Variants in ULK4 observed in about 807,000 individuals in gnomAD.
ULK4 encodes the protein inactive serine/threonine-protein kinase ULK4.
In ULK4, 133 loss-of-function variants were observed where a neutral mutation model predicts 160.6. That is an observed-to-expected ratio of 0.83 (90% CI 0.72 to 0.96). The LOEUF is 0.96. Ranked by LOEUF, ULK4 falls within the 40% of genes least tolerant of loss-of-function variation. The pLI is 0.00. For synonymous variants in ULK4, 534 were observed against 539.8 expected, an observed-to-expected ratio of 0.99 and a Z score of 0.15; for missense variants, 1,580 against 1,499.5, an observed-to-expected ratio of 1.05 and a Z score of -0.89.
intron 32 of ULK4, among the ~76,000 whole-genome samples, chr3:41,465,034 A>C (rs2125880932): frequency 6.6e-6 from 1 of 152,344 alleles, no homozygotes; most frequent in Non-Finnish European, 1.5e-5. Context: ...TGAAGTCACC[A>C]GCTCCCAAGG....
chr3:41,412,553 ATTTTTT>A (rs57224854), intron 34 of ULK4, among the ~76,000 whole-genome samples: 57 of 100,416 alleles, frequency 5.7e-4, no homozygotes, highest in South Asian at 1.8e-3. Flanking sequence ...ATGCAGTTGA[ATTTTTT>A]TTTTTTTTTT....
At chr3:41,599,571 T>C (rs934373821) in intron 31 of ULK4, among the ~76,000 whole-genome samples, 4 of 149,624 alleles carry the variant, frequency 2.7e-5, no homozygotes, top group African/African-American at 9.9e-5. Context: ...TTTTCTTTTT[T>C]TTTTTTTTTT....
At position 41,378,843 on chromosome 3, in the gene ULK4, G is replaced by A. The variant is rs954522547; in HGVS notation, c.3678+19236C>T. 4.7e-5 allele frequency among the ~76,000 whole-genome samples: 7 copies of A among 149,484 alleles called. No homozygotes were observed. The East Asian group carries it at 8.0e-4, about 17-fold the overall frequency. Reference sequence around the variant, plus strand: ...CAAAATAAAATAAAAAAGAAAATGTGGCACATTTACACCATGGAATACTAT... The same window carrying A: ...CAAAATAAAATAAAAAAGAAAATGTAGCACATTTACACCATGGAATACTAT... On this transcript the variant is annotated intron_variant, in intron 35 of 36. Transcript: ENST00000301831.
intron 35 of ULK4, among the ~76,000 whole-genome samples, chr3:41,261,112 G>T (rs189667049): frequency 6.6e-6 from 1 of 152,142 alleles, no homozygotes; most frequent in South Asian, 2.1e-4. Flanking sequence ...GTAGATGTGC[G>T]GGGGCAAAGT....
intron 2 of ULK4, among the ~76,000 whole-genome samples, chr3:41,947,253 G>A (rs1375709129): frequency 6.6e-6 from 1 of 152,180 alleles, no homozygotes; most frequent in Non-Finnish European, 1.5e-5. Flanking sequence ...GGAGCTTGCG[G>A]TGAGCCGAGA....
In ULK4 at chr3:41,375,383, C is replaced by T. The variant is rs144211008; in HGVS notation, c.3678+22696G>A. 3.2e-3 allele frequency among the ~76,000 whole-genome samples: 466 copies of T among 143,584 alleles called. 15 individuals carry two copies. The highest frequency in any genetic ancestry group is 0.02 in the East Asian group (83 of 4,074). The allele number at this position is 143,584 out of a possible 152,430, so 94.2% of individuals were successfully genotyped here. A position where few individuals can be genotyped will look rare whatever the true frequency, so the allele number is the denominator to read the frequency against. ...CATCACACTACCTGACTTCAAACTACACAAGGCTACAGAACCCAAAACGGC... is the reference window on the plus strand; with the variant it reads ...CATCACACTACCTGACTTCAAACTATACAAGGCTACAGAACCCAAAACGGC... On this transcript the variant is annotated intron_variant, in intron 35 of 36. Coordinates refer to ENST00000301831, the MANE Select transcript of ULK4 (RefSeq NM_017886.4).
At chr3:41,882,403 TG>T in intron 17 of ULK4, 1 of 648,248 alleles carries the variant, frequency 1.5e-6, no homozygotes. Flanking sequence ...TTCTATAAGT[TG>T]ATCATCTCAA....
chr3:41,954,841 C>G, intron 1 of ULK4, 34 bp from the exon 2 acceptor site: 1 of 1,361,590 alleles, frequency 7.3e-7, no homozygotes, highest in Non-Finnish European at 1.0e-6. Flanking sequence ...TTGATAAATG[C>G]AAGTTAGTTG....
At chr3:41,479,180 C>A (rs895635655) in intron 32 of ULK4, among the ~76,000 whole-genome samples, 1 of 152,174 alleles carries the variant, frequency 6.6e-6, no homozygotes, top group African/African-American at 2.4e-5. Context: ...ACCTTTAGAG[C>A]CCTACACCTC....
Position 41,763,241 on chromosome 3 carries a change from C to T in ULK4, c.2194-8753G>A, listed in dbSNP as rs115910581. Among the ~76,000 whole-genome samples, 1,001 of 151,930 alleles carry T rather than the reference C, an allele frequency of 6.6e-3. 9 individuals are homozygous for T. Among genetic ancestry groups the T allele is most frequent in the African/African-American group, 0.023 (961 of 41,450 alleles). On this transcript the variant is annotated intron_variant, in intron 21 of 36. Coordinates refer to ENST00000301831, the MANE Select transcript of ULK4 (RefSeq NM_017886.4). The stretch of plus-strand genomic sequence containing the variant: ...CCCATAATAAAAGAATAAAAATACA[C>T]GAATTAAATCTCCAACATAAAAAGC...
At chr3:41,802,636 T>C (rs190411789) in intron 19 of ULK4, among the ~76,000 whole-genome samples, 296 of 152,212 alleles carry the variant, frequency 1.9e-3, no homozygotes, top group Non-Finnish European at 3.3e-3. Flanking sequence ...CAAAAATGTA[T>C]TGTGAGCTTT....
intron 35 of ULK4, among the ~76,000 whole-genome samples, chr3:41,283,631 C>T (rs1340542580): frequency 6.6e-6 from 1 of 152,006 alleles, no homozygotes; most frequent in African/African-American, 2.4e-5. Context: ...AACGTCAAAA[C>T]CAGGGCCTCT....
intron 19 of ULK4, among the ~76,000 whole-genome samples, chr3:41,818,090 T>C (rs902000921): frequency 5.4e-5 from 7 of 129,312 alleles, no homozygotes; most frequent in South Asian, 2.4e-4. Context: ...AAAGCCATTA[T>C]AGAAAACAGT....
intron 18 of ULK4, among the ~76,000 whole-genome samples, chr3:41,830,167 G>A (rs2041526794): frequency 6.6e-6 from 1 of 152,012 alleles, no homozygotes; most frequent in African/African-American, 2.4e-5. Context: ...GAGTGGGGAG[G>A]GATAGCATTA....
At chr3:41,414,815 C>T (rs1465243612) in intron 34 of ULK4, among the ~76,000 whole-genome samples, 5 of 152,122 alleles carry the variant, frequency 3.3e-5, no homozygotes, top group South Asian at 2.1e-4. Context: ...AACACTATTG[C>T]GCAGGGCCTT....
chr3:41,886,399 C>T (rs1318543547), intron 16 of ULK4, among the ~76,000 whole-genome samples: 1 of 151,926 alleles, frequency 6.6e-6, no homozygotes, highest in East Asian at 1.9e-4. Flanking sequence ...ACATCAAAAG[C>T]AAAATAACTG....
intron 7 of ULK4, among the ~76,000 whole-genome samples, chr3:41,918,157 T>C (rs1699038150): frequency 6.6e-6 from 1 of 152,162 alleles, no homozygotes. Flanking sequence ...AAATGGTACA[T>C]ACAAAAAGCA....
chr3:41,388,916 T>G (rs1051030670), intron 35 of ULK4, among the ~76,000 whole-genome samples: 91 of 152,124 alleles, frequency 6.0e-4, no homozygotes, highest in Non-Finnish European at 1.0e-3. Flanking sequence ...GTGAAGAAAG[T>G]CATTGGTAGC....
intron 31 of ULK4, among the ~76,000 whole-genome samples, chr3:41,584,472 A>G (rs1367449990): frequency 1.3e-5 from 2 of 152,060 alleles, no homozygotes; most frequent in Non-Finnish European, 2.9e-5. Context: ...ATTAATTAGT[A>G]GAGATGAGGT....
Sources: allele counts gnomAD v4.1 joint callset (sites outside exome capture counted in the v4.1 genomes callset), GRCh38; gene constraint gnomAD v4.1.1; transcripts MANE v1.5; gene names NCBI Gene and HGNC (gene_info 2026-07-23, HGNC 2026-07-21).